Variants in TTC21A observed in about 807,000 individuals in gnomAD.
TTC21A encodes tetratricopeptide repeat protein 21A.
In TTC21A, 128 loss-of-function variants were observed where a neutral mutation model predicts 156.4. That is an observed-to-expected ratio of 0.82 (90% CI 0.71 to 0.95). The LOEUF (loss-of-function observed/expected upper bound fraction) is 0.95, where lower values mean the gene tolerates loss of function less well. Among genes scored for constraint, TTC21A ranks in the 40% least tolerant of loss-of-function variants. The probability of loss-of-function intolerance (pLI) is 0.00; values close to 1 mark genes in which losing one functional copy is unlikely to be tolerated. For missense variants in TTC21A, 1,435 were observed against 1,602.3 expected, an observed-to-expected ratio of 0.90 and a Z score of 1.78; for synonymous variants, 587 against 617.1, an observed-to-expected ratio of 0.95 and a Z score of 0.72.
At chr3:39,127,059 G>A (rs2125827689) in intron 12 of TTC21A, among the ~76,000 whole-genome samples, 1 of 152,318 alleles carries the variant, frequency 6.6e-6, no homozygotes, top group Non-Finnish European at 1.5e-5. Context: ...TGTACCATGA[G>A]GCCTTCAGAG....
At chr3:39,116,909 T>C (rs1434225131) in intron 6 of TTC21A, among the ~76,000 whole-genome samples, 1 of 152,220 alleles carries the variant, frequency 6.6e-6, no homozygotes, top group Non-Finnish European at 1.5e-5. Context: ...GATCTCACTG[T>C]GTTGCCAGGC....
In TTC21A at chr3:39,125,118, G is replaced by A. The variant is rs1457062882; in HGVS notation, c.1149G>A (p.Leu383=). The A allele has an allele frequency of 6.2e-7, 1 of 1,614,006 alleles. No individual in the cohort carries two copies. The highest frequency in any genetic ancestry group is 1.3e-5 in the African/African-American group (1 of 75,024). ...EGHLEEAEYR[L]EFLKEVQKSL... is the part of the protein sequence containing the mutation. ...ACCTGGAGGAAGCTGAGTACCGGCT[G>A]GAATTCCTGAAGGAGGTGCAGAAGT... Residue 383 remains leucine, a synonymous_variant, in exon 10 of 29, where the codon CTG becomes CTA. Coordinates refer to ENST00000683103, the MANE Select transcript of TTC21A (RefSeq NM_001366900.1).
intron 7 of TTC21A, 72 bp from the exon 8 acceptor site, chr3:39,119,850 C>A: frequency 2.9e-6 from 3 of 1,018,378 alleles, no homozygotes; most frequent in South Asian, 2.7e-5. Flanking sequence ...ACTATGCAGT[C>A]AGGGTTGAGA....
intron 6 of TTC21A, among the ~76,000 whole-genome samples, 161 bp downstream of exon 6, chr3:39,114,903 G>A (rs1323184485): frequency 6.6e-6 from 1 of 152,176 alleles, no homozygotes; most frequent in Non-Finnish European, 1.5e-5. Flanking sequence ...GCAGGGATGG[G>A]TGCAAGCAAA....
rs1237675838 is a variant in TTC21A, at chr3:39,133,239, A to G, written c.2750A>G (p.Lys917Arg). The change falls in exon 20 of 29, where the codon AAG becomes AGG. Residue 917 changes from lysine (K) to arginine (R), a missense_variant and splice_region_variant. Lys to Arg is a conservative substitution (Grantham distance 26, BLOSUM62 2). Coordinates refer to ENST00000683103, the MANE Select transcript of TTC21A (RefSeq NM_001366900.1). ...DVFSYLPTDN[K>R]VMLELAQLYL... is the part of the protein sequence containing the mutation. ...TTCTCCTACTTGCCAACTGACAATA[A>G]GGTGAGTGGCCCTCAAAGCAAGAGG... The G allele has an allele frequency of 6.2e-7, 1 of 1,611,620 alleles. No homozygotes were observed. The highest frequency in any genetic ancestry group is 1.3e-5 in the African/African-American group (1 of 74,970).
At chr3:39,133,017 T>C in intron 19 of TTC21A, 35 bp from the exon 20 acceptor site, 1 of 1,606,744 alleles carries the variant, frequency 6.2e-7, no homozygotes, top group Non-Finnish European at 8.5e-7. Context: ...TGTCAGGCTC[T>C]GAGTTTCTGA....
intron 8 of TTC21A, among the ~76,000 whole-genome samples, chr3:39,120,480 G>T (rs1207723657): frequency 6.6e-6 from 1 of 152,200 alleles, no homozygotes; most frequent in Non-Finnish European, 1.5e-5. Context: ...CAACAAATCT[G>T]TATCTCTTTC....
intron 1 of TTC21A, among the ~76,000 whole-genome samples, chr3:39,108,748 C>T (rs777348047): frequency 1.3e-5 from 2 of 152,338 alleles, no homozygotes; most frequent in Admixed American, 6.5e-5. Context: ...CTTGTAACTA[C>T]AATTCGTATA....
intron 8 of TTC21A, 138 bp from the exon 9 acceptor site, chr3:39,120,859 G>C (rs745864901): frequency 1.3e-4 from 93 of 699,484 alleles, no homozygotes; most frequent in Non-Finnish European, 2.0e-4. Context: ...AGACCCAGCT[G>C]CCTAGACACA....
chr3:39,133,068 C>T lies in TTC21A; in HGVS notation c.2579C>T (p.Ser860Phe). The change falls in exon 20 of 29, where the codon TCT becomes TTT. Residue 860 changes from serine (S) to phenylalanine (F), a missense_variant. Coordinates refer to ENST00000683103, the MANE Select transcript of TTC21A (RefSeq NM_001366900.1). ...ETLNKALDLQ[S>F]RILKRVPLEQ... is the part of the protein sequence containing the mutation. Reference sequence around the variant, plus strand: ...TTTCTCGAGGCCTTGGACCTCCAGTCTCGGATACTGAAGCGAGTTCCACTG... The same window carrying T: ...TTTCTCGAGGCCTTGGACCTCCAGTTTCGGATACTGAAGCGAGTTCCACTG... 7 of 1,614,222 alleles carry T rather than the reference C, an allele frequency of 4.3e-6. No individual in the cohort carries two copies. Among genetic ancestry groups the T allele is most frequent in the Non-Finnish European group, 5.1e-6 (6 of 1,180,038 alleles).
At chr3:39,129,437 A>G in intron 15 of TTC21A, 127 bp downstream of exon 15, 3 of 758,656 alleles carry the variant, frequency 4.0e-6, no homozygotes, top group Non-Finnish European at 6.9e-6. Flanking sequence ...TGATGAATGT[A>G]TGGAATTGTC....
intron 6 of TTC21A, 49 bp downstream of exon 6, chr3:39,114,791 C>A: frequency 6.2e-7 from 1 of 1,604,954 alleles, no homozygotes; most frequent in Non-Finnish European, 8.5e-7. Flanking sequence ...AGGTATTTAC[C>A]ATCTTATAAG....
At position 39,110,026 on chromosome 3, in the gene TTC21A, C is replaced by G. The variant is rs747653895; in HGVS notation, c.158-3C>G. On this transcript the variant is annotated splice_polypyrimidine_tract_variant and splice_region_variant and intron_variant, in intron 2 of 28. Coordinates refer to ENST00000683103, the MANE Select transcript of TTC21A (RefSeq NM_001366900.1). ...AGTATAACTATGTGGACTGTCTTTG[C>G]AGAGCACATCCAGGATGCCATCAGT... The G allele has an allele frequency of 1.9e-6, 3 of 1,610,788 alleles. No individual in the cohort carries two copies. In the Admixed American group the frequency reaches 5.0e-5, roughly 27 times the overall value.
chr3:39,137,048 G>T lies in TTC21A; in HGVS notation c.3245G>T (p.Gly1082Val), dbSNP rs757325960. 6.8e-6 allele frequency: 11 copies of T among 1,612,152 alleles called. No individual in the cohort carries two copies. Among genetic ancestry groups the T allele is most frequent in the Admixed American group, 6.7e-5 (4 of 59,810 alleles). The change falls in exon 24 of 29, where the codon GGA (glycine) becomes GTA (valine). Residue 1082 changes from glycine (G) to valine (V), a missense_variant. Coordinates refer to ENST00000683103, the MANE Select transcript of TTC21A (RefSeq NM_001366900.1). ...GGCGGAGAGGCTTTTGAGAACCAGGGAGCTGAGAGCAAGTAAGGGCCCATG... is the reference window on the plus strand; with the variant it reads ...GGCGGAGAGGCTTTTGAGAACCAGGTAGCTGAGAGCAAGTAAGGGCCCATG... ...VVGGEAFENQ[G>V]AESNYMEKKE...
In TTC21A at chr3:39,115,118, A is replaced by T. The variant is rs569077733; in HGVS notation, c.716+376A>T. Among the ~76,000 whole-genome samples, 503 of 152,352 alleles carry T rather than the reference A, an allele frequency of 3.3e-3. 4 individuals carry two copies. The highest frequency in any genetic ancestry group is 0.01 in the Middle Eastern group (3 of 294). On this transcript the variant is annotated intron_variant, in intron 6 of 28. Coordinates refer to ENST00000683103, the MANE Select transcript of TTC21A (RefSeq NM_001366900.1). The stretch of plus-strand genomic sequence containing the variant: ...TATATTGCATTATTAAGGTTTTTTT[A>T]AAACTATTAAGTATAGTATACCTTA...
chr3:39,109,173 C>T lies in TTC21A; in HGVS notation c.116C>T (p.Pro39Leu), dbSNP rs1280944591. The stretch of plus-strand genomic sequence containing the variant: ...GGCCTGGAAAAATTCAGCAATGACC[C>T]TGTGTTGAAGTTCTTTAAAGCCTAT... ...AVGLEKFSND[P>L]VLKFFKAYGV... Residue 39 changes from proline (P) to leucine (L), a missense_variant, in exon 2 of 29, where the codon CCT becomes CTT. By Grantham distance (98) the Pro-to-Leu change is moderately conservative. Transcript: ENST00000683103. 3 of 1,614,148 alleles carry T rather than the reference C, an allele frequency of 1.9e-6. No homozygotes were observed. Among genetic ancestry groups the T allele is most frequent in the Non-Finnish European group, 2.5e-6 (3 of 1,179,984 alleles).
chr3:39,137,182 C>T lies in TTC21A; in HGVS notation c.3258-13C>T, dbSNP rs1446496237. 1 of 1,609,682 alleles carries T rather than the reference C, an allele frequency of 6.2e-7. No individual in the cohort carries two copies. The highest frequency in any genetic ancestry group is 1.1e-5 in the South Asian group (1 of 90,688). On this transcript the variant is annotated splice_polypyrimidine_tract_variant and intron_variant, in intron 24 of 28. Transcript: ENST00000683103. ...ACCGGCCTGTGTCTGATACCCAGGTCTAACACCTGCAGCTACATGGAGAAG... is the reference window on the plus strand; with the variant it reads ...ACCGGCCTGTGTCTGATACCCAGGTTTAACACCTGCAGCTACATGGAGAAG...
chr3:39,111,056 A>G, intron 4 of TTC21A, 39 bp downstream of exon 4: 1 of 1,573,108 alleles, frequency 6.4e-7, no homozygotes, highest in Non-Finnish European at 8.6e-7. Flanking sequence ...CGAAGAAAGC[A>G]GCATCCAAAC....
Position 39,128,924 on chromosome 3 carries a change from G to A in TTC21A, c.1888G>A (p.Gly630Arg). Residue 630 changes from glycine (G) to arginine (R), a missense_variant, in exon 14 of 29, where the codon GGG becomes AGG. Gly to Arg is a moderately radical substitution (Grantham distance 125). Transcript: ENST00000683103. ...ACTGGTGGAGGCCCTCCGGCTGAAT[G>A]GGGAGCTAGTAAGAAATGCCGTGCT... is the stretch of plus-strand genomic sequence containing the variant. Reference protein sequence around the residue: ...LELVEALRLNGELHEATKVMQ... With the variant: ...LELVEALRLNRELHEATKVMQ... 1.9e-6 allele frequency: 3 copies of A among 1,614,202 alleles called. No homozygotes were observed. Among genetic ancestry groups the A allele is most frequent in the Non-Finnish European group, 2.5e-6 (3 of 1,180,024 alleles).
Sources: gnomAD v4.1 joint callset for allele counts (sites outside exome capture counted in the v4.1 genomes callset) on GRCh38, gnomAD v4.1.1 for gene constraint, MANE v1.5 for transcripts, NCBI Gene and HGNC (gene_info 2026-07-23, HGNC 2026-07-21) for gene names.